FSTL5: variants seen among roughly 807,000 people sequenced by gnomAD.
FSTL5 encodes the protein follistatin like 5, also known as follistatin-related protein 5.
A neutral mutation model predicts 89.1 loss-of-function variants in FSTL5; 62 were observed. The ratio of observed to expected loss-of-function variants is 0.70; its 90% confidence interval spans 0.57 to 0.86. The LOEUF (loss-of-function observed/expected upper bound fraction) is 0.86, where lower values mean the gene tolerates loss of function less well. Among genes scored for constraint, FSTL5 ranks in the 40% least tolerant of loss-of-function variants. The pLI is 0.00. For missense variants in FSTL5, 1,057 were observed against 1,001.6 expected, an observed-to-expected ratio of 1.06 and a Z score of -0.75; for synonymous variants, 383 against 346.2, an observed-to-expected ratio of 1.11 and a Z score of -1.18.
At chr4:161,523,292 G>T (rs1731098483) in intron 10 of FSTL5, among the ~76,000 whole-genome samples, 1 of 152,120 alleles carries the variant, frequency 6.6e-6, no homozygotes, top group Non-Finnish European at 1.5e-5. Flanking sequence ...AGCCAAAATT[G>T]TCTTTCTGGC....
intron 4 of FSTL5, among the ~76,000 whole-genome samples, chr4:161,777,639 A>G (rs1218502703): frequency 6.6e-6 from 1 of 151,984 alleles, no homozygotes; most frequent in Admixed American, 6.6e-5. Flanking sequence ...ATATATTTGC[A>G]CTTTTTATTT....
At chr4:161,992,859 AAAATATAT>A (rs1736153868) in intron 3 of FSTL5, among the ~76,000 whole-genome samples, 12 of 14,808 alleles carry the variant, frequency 8.1e-4, no homozygotes, top group African/African-American at 9.6e-4. Flanking sequence ...AAAAAAAAAA[AAAATATAT>A]ATATATATAT....
At chr4:162,080,017 A>G (rs1201564738) in intron 2 of FSTL5, among the ~76,000 whole-genome samples, 2 of 151,512 alleles carry the variant, frequency 1.3e-5, no homozygotes, top group African/African-American at 4.8e-5. Flanking sequence ...TTTTTCCAAA[A>G]TAATATGATA....
intron 3 of FSTL5, among the ~76,000 whole-genome samples, chr4:161,933,620 TGATTAG>T (rs894073308): frequency 6.6e-6 from 1 of 151,558 alleles, no homozygotes; most frequent in African/African-American, 2.4e-5. Context: ...TTTTTTTTAA[TGATTAG>T]GATTTTCAAG....
intron 6 of FSTL5, among the ~76,000 whole-genome samples, chr4:161,692,427 G>A (rs143094114): frequency 7.6e-4 from 115 of 150,466 alleles, no homozygotes; most frequent in Middle Eastern, 3.5e-3. Flanking sequence ...TACTTGTATC[G>A]CCTTTTATGG....
chr4:162,028,558 C>T (rs1578962023), intron 3 of FSTL5, among the ~76,000 whole-genome samples: 1 of 152,176 alleles, frequency 6.6e-6, no homozygotes, highest in East Asian at 1.9e-4. Context: ...GCCTGGGCAA[C>T]AGAGTGAGGC....
intron 2 of FSTL5, among the ~76,000 whole-genome samples, chr4:162,082,285 T>C (rs1457673683): frequency 6.6e-6 from 1 of 151,734 alleles, no homozygotes; most frequent in Non-Finnish European, 1.5e-5. Flanking sequence ...ATTTTCAAAT[T>C]GCTGCAACTG....
At chr4:161,923,877 C>T (rs1158358333) in intron 3 of FSTL5, among the ~76,000 whole-genome samples, 1 of 151,768 alleles carries the variant, frequency 6.6e-6, no homozygotes, top group Non-Finnish European at 1.5e-5. Flanking sequence ...TAGCTAGAAG[C>T]TGTGTGTTGC....
At position 161,551,126 on chromosome 4, in the gene FSTL5, A is replaced by G. The variant is rs181238212; in HGVS notation, c.1016-8433T>C. Among the ~76,000 whole-genome samples, 8 of 151,834 alleles carry G rather than the reference A, an allele frequency of 5.3e-5. No individual in the cohort carries two copies. In the East Asian group the frequency reaches 1.6e-3, roughly 30 times the overall value. On this transcript the variant is annotated intron_variant, in intron 8 of 15. Transcript: ENST00000306100. ...TAATGGGATGGCTGGGTCAAATGGT[A>G]TTTCTAGTTCTAGATCCCTGAGGAA...
chr4:162,034,811 G>C (rs1461766588), intron 2 of FSTL5, among the ~76,000 whole-genome samples: 1 of 152,084 alleles, frequency 6.6e-6, no homozygotes, highest in Non-Finnish European at 1.5e-5. Context: ...TTTAGAATTT[G>C]AGAATAAAAT....
chr4:161,570,597 AG>A (rs931222047), intron 8 of FSTL5, among the ~76,000 whole-genome samples: 1 of 152,194 alleles, frequency 6.6e-6, no homozygotes, highest in African/African-American at 2.4e-5. Flanking sequence ...ATAAGCATGA[AG>A]TTGGGGACAC....
At chr4:161,433,877 T>C (rs75312405) in intron 15 of FSTL5, among the ~76,000 whole-genome samples, 7,211 of 151,996 alleles carry the variant, frequency 0.047, 440 homozygotes, top group East Asian at 0.19. Flanking sequence ...ATGAAAACTG[T>C]AAAGCACTGA....
chr4:161,991,581 G>A (rs1284972052), intron 3 of FSTL5, among the ~76,000 whole-genome samples: 1 of 152,164 alleles, frequency 6.6e-6, no homozygotes, highest in Non-Finnish European at 1.5e-5. Flanking sequence ...GACTTATACA[G>A]GGATTCTTTT....
chr4:161,410,853 A>G (rs1419636057), intron 15 of FSTL5, among the ~76,000 whole-genome samples: 1 of 152,024 alleles, frequency 6.6e-6, no homozygotes, highest in Non-Finnish European at 1.5e-5. Flanking sequence ...CCCCCAAGCT[A>G]GCAGAAGAAA....
At chr4:161,820,881 A>G (rs1191627818) in intron 4 of FSTL5, among the ~76,000 whole-genome samples, 3 of 151,976 alleles carry the variant, frequency 2.0e-5, no homozygotes, top group Non-Finnish European at 4.4e-5. Flanking sequence ...TTGTTACAAC[A>G]CTTAGTATTC....
chr4:162,020,802 C>T (rs536305978), intron 3 of FSTL5, among the ~76,000 whole-genome samples: 3 of 152,050 alleles, frequency 2.0e-5, no homozygotes, highest in African/African-American at 7.2e-5. Flanking sequence ...ACAACAAAAA[C>T]AAGCAAAGAT....
At chr4:161,655,247 G>T (rs1736475516) in intron 7 of FSTL5, among the ~76,000 whole-genome samples, 2 of 151,986 alleles carry the variant, frequency 1.3e-5, no homozygotes, top group East Asian at 3.9e-4. Flanking sequence ...TATTTTCAGA[G>T]ATGATTAACC....
intron 3 of FSTL5, among the ~76,000 whole-genome samples, chr4:161,958,735 C>T (rs1429255831): frequency 2.6e-5 from 4 of 152,136 alleles, no homozygotes; most frequent in African/African-American, 9.7e-5. Context: ...TTCTCACATG[C>T]TTATGCTGCG....
chr4:161,508,390 T>C (rs549272825), intron 11 of FSTL5, among the ~76,000 whole-genome samples: 1 of 152,252 alleles, frequency 6.6e-6, no homozygotes, highest in Non-Finnish European at 1.5e-5. Flanking sequence ...ACTTTAATAA[T>C]TTACCCAAAG....
Sources: allele counts gnomAD v4.1 joint callset (sites outside exome capture counted in the v4.1 genomes callset), GRCh38; gene constraint gnomAD v4.1.1; transcripts MANE v1.5; gene names NCBI Gene and HGNC (gene_info 2026-07-23, HGNC 2026-07-21).